FNIP1: variants seen among roughly 807,000 people sequenced by gnomAD.
FNIP1 encodes the protein folliculin-interacting protein 1.
Under a neutral mutation model 124.5 loss-of-function variants are expected in FNIP1, and 40 were observed. The ratio of observed to expected loss-of-function variants is 0.32; its 90% CI spans 0.25 to 0.42. FNIP1 has a LOEUF of 0.42. Ranked by LOEUF, FNIP1 falls within the 10% of genes least tolerant of loss-of-function variation. FNIP1 has a pLI of 1.00. For synonymous variants in FNIP1, 472 were observed against 470.6 expected, an observed-to-expected ratio of 1.00 and a Z score of -0.04; for missense variants, 1,176 against 1,403.7, an observed-to-expected ratio of 0.84 and a Z score of 2.59.
At chr5:131,775,422 T>C (rs1417746419) in intron 1 of FNIP1, among the ~76,000 whole-genome samples, 1 of 150,796 alleles carries the variant, frequency 6.6e-6, no homozygotes, top group Non-Finnish European at 1.5e-5. Context: ...AGTGTAACAG[T>C]AAGGATAATA....
At chr5:131,714,557 T>G (rs1769404681) in intron 6 of FNIP1, among the ~76,000 whole-genome samples, 2 of 152,212 alleles carry the variant, frequency 1.3e-5, no homozygotes, top group Non-Finnish European at 2.9e-5. Context: ...CATTCTTTCT[T>G]TTTCATTAAC....
At chr5:131,733,591 T>C (rs1770178721) in intron 2 of FNIP1, among the ~76,000 whole-genome samples, 1 of 152,194 alleles carries the variant, frequency 6.6e-6, no homozygotes, top group African/African-American at 2.4e-5. Context: ...GATAATCACG[T>C]GGTTTTTGTC....
intron 3 of FNIP1, among the ~76,000 whole-genome samples, chr5:131,727,505 C>T (rs1561676800): frequency 6.6e-6 from 1 of 151,822 alleles, no homozygotes; most frequent in African/African-American, 2.4e-5. Flanking sequence ...GCTACCCCTG[C>T]TTTTTTTTGC....
intron 1 of FNIP1, among the ~76,000 whole-genome samples, chr5:131,779,342 T>C (rs1479139657): frequency 9.2e-5 from 14 of 151,932 alleles, no homozygotes; most frequent in East Asian, 1.9e-4. Flanking sequence ...TTTAGATCTA[T>C]TAGTAATTGT....
rs746012025 is a variant in FNIP1 at position 131,796,843 on chromosome 5, C to G, written c.79G>C (p.Asp27His). The change falls in exon 1 of 18, where the codon GAT becomes CAT. Residue 27 changes from aspartate to histidine, a missense_variant. Transcript: ENST00000510461. Reference protein sequence around the residue: ...GAPGRDARDPDCGFSWPLPEF... With the variant: ...GAPGRDARDPHCGFSWPLPEF... ...ACAGCGCCCTACCTGAACCCGCAAT[C>G]TGGGTCCCGGGCGTCGCGGCCGGGC... 1.8e-5 allele frequency: 28 copies of G among 1,596,544 alleles called. No homozygotes were observed. In the East Asian group the frequency reaches 5.4e-4, roughly 31 times the overall value.
chr5:131,742,125 G>A (rs751089754), intron 2 of FNIP1, among the ~76,000 whole-genome samples: 6 of 152,102 alleles, frequency 3.9e-5, no homozygotes, highest in African/African-American at 9.7e-5. Context: ...AACTCATGGC[G>A]ACATTATGTT....
rs59097834 is a variant in FNIP1, at chr5:131,657,736, CAAAA to C, written c.3109-5741_3109-5738del. 7.9e-3 allele frequency among the ~76,000 whole-genome samples: 512 copies of C among 65,032 alleles called. 2 individuals are homozygous for C. The highest frequency in any genetic ancestry group is 0.03 in the African/African-American group (492 of 16,140). The allele number at this position is 65,032 out of a possible 152,430, so 42.7% of individuals were successfully genotyped here. A position where few individuals can be genotyped will look rare whatever the true frequency, so the allele number is the denominator to read the frequency against. On this transcript the variant is annotated intron_variant, in intron 15 of 17. Transcript: ENST00000510461. ...ATGATGAAAGAGCTTGAAAATAAGG[CAAAA>C]AAAAAAAAAAAAAAAAAACGGTGGG...
intron 15 of FNIP1, among the ~76,000 whole-genome samples, chr5:131,666,514 G>A (rs1243733875): frequency 1.3e-5 from 2 of 152,088 alleles, no homozygotes. Context: ...ATTACTCTTT[G>A]TTCATCAGTT....
chr5:131,697,989 A>G (rs910939284), intron 11 of FNIP1, among the ~76,000 whole-genome samples: 11 of 148,706 alleles, frequency 7.4e-5, no homozygotes, highest in African/African-American at 2.3e-4. Flanking sequence ...AAAAAAAAAA[A>G]GAAAGAAAAA....
chr5:131,687,982 C>T (rs576969873), intron 11 of FNIP1, among the ~76,000 whole-genome samples: 1 of 152,224 alleles, frequency 6.6e-6, no homozygotes, highest in South Asian at 2.1e-4. Flanking sequence ...TTTACCAGAG[C>T]CTTATCTGAC....
chr5:131,677,667 T>A, intron 13 of FNIP1, 36 bp downstream of exon 13: 1 of 1,557,896 alleles, frequency 6.4e-7, no homozygotes, highest in South Asian at 1.2e-5. Context: ...TACAAAAAAG[T>A]CTAATACATA....
At chr5:131,752,005 T>G (rs1770887535) in intron 1 of FNIP1, among the ~76,000 whole-genome samples, 1 of 152,138 alleles carries the variant, frequency 6.6e-6, no homozygotes, top group Admixed American at 6.5e-5. Context: ...ATCTCAGCAA[T>G]AATAAAAAAG....
At chr5:131,788,178 G>C (rs1341578214) in intron 1 of FNIP1, among the ~76,000 whole-genome samples, 1 of 152,140 alleles carries the variant, frequency 6.6e-6, no homozygotes, top group Non-Finnish European at 1.5e-5. Flanking sequence ...TCAAAGACTA[G>C]GAGGAATAAA....
At chr5:131,695,114 A>G (rs958879168) in intron 11 of FNIP1, among the ~76,000 whole-genome samples, 64 of 142,780 alleles carry the variant, frequency 4.5e-4, no homozygotes, top group Admixed American at 1.6e-3. Context: ...CAAATAAATA[A>G]ATAAATAAAT....
chr5:131,657,513 A>T (rs905650181), intron 15 of FNIP1, among the ~76,000 whole-genome samples: 3 of 152,070 alleles, frequency 2.0e-5, no homozygotes, highest in Non-Finnish European at 4.4e-5. Context: ...TATTCTATAA[A>T]AATGATTGTC....
intron 2 of FNIP1, among the ~76,000 whole-genome samples, chr5:131,738,381 T>C (rs1010863015): frequency 1.3e-5 from 2 of 152,210 alleles, no homozygotes; most frequent in Non-Finnish European, 2.9e-5. Flanking sequence ...TTGCCATCTG[T>C]CTTTTAACTT....
At chr5:131,691,855 G>T (rs560860830) in intron 11 of FNIP1, among the ~76,000 whole-genome samples, 299 of 152,186 alleles carry the variant, frequency 2.0e-3, no homozygotes, top group African/African-American at 6.6e-3. Context: ...GAATAAAGGG[G>T]AACTACCTCA....
intron 1 of FNIP1, among the ~76,000 whole-genome samples, chr5:131,777,091 T>A (rs1441755202): frequency 1.3e-5 from 2 of 151,998 alleles, no homozygotes; most frequent in Non-Finnish European, 2.9e-5. Context: ...CTAAGATATA[T>A]TAGCAGGGCA....
At chr5:131,719,291 T>TAA in intron 4 of FNIP1, 26 bp downstream of exon 4, 1 of 1,516,510 alleles carries the variant, frequency 6.6e-7, no homozygotes, top group Non-Finnish European at 8.9e-7. Flanking sequence ...TGGGACTCGT[T>TAA]AAAAAAAAAT....
Sources: gnomAD v4.1 joint callset for allele counts (sites outside exome capture counted in the v4.1 genomes callset) on GRCh38, gnomAD v4.1.1 for gene constraint, MANE v1.5 for transcripts, NCBI Gene and HGNC (gene_info 2026-07-23, HGNC 2026-07-21) for gene names.